The following WDR47 variants were observed in gnomAD, a reference collection of about 807,000 sequenced individuals.
WDR47 encodes WD repeat-containing protein 47.
Under a neutral mutation model 97.2 loss-of-function variants are expected in WDR47, and 32 were observed. The observed-to-expected ratio is 0.33, with a 90% confidence interval of 0.25 to 0.44. WDR47 has a LOEUF of 0.44. Ranked by LOEUF, WDR47 falls within the 20% of genes least tolerant of loss-of-function variation. WDR47 has a pLI of 1.00. For synonymous variants in WDR47, 375 were observed against 373.5 expected, an observed-to-expected ratio of 1.00 and a Z score of -0.05; for missense variants, 782 against 1,102.3, an observed-to-expected ratio of 0.71 and a Z score of 4.11.
rs545260692 is a variant in WDR47 at position 108,971,262 on chromosome 1, C to A, written c.*168G>T. On this transcript the variant is annotated 3_prime_UTR_variant, in exon 15 of 15. Coordinates refer to ENST00000369962, the MANE Select transcript of WDR47 (RefSeq NM_001142551.2). ...CTCACATGGAAGACTGAAAGCACTG[C>A]GGAATAACACCACCCAACACCTCCT... is the stretch of plus-strand genomic sequence containing the variant. 2.3e-6 allele frequency: 2 copies of A among 885,158 alleles called. No individual in the cohort carries two copies. The highest frequency in any genetic ancestry group is 3.3e-6 in the Non-Finnish European group (2 of 599,240). The allele number at this position is 885,158 out of a possible 1,614,324, so 54.8% of individuals were successfully genotyped here. A position where few individuals can be genotyped will look rare whatever the true frequency, so the allele number is the denominator to read the frequency against.
chr1:109,028,362 G>GTTTTTTT (rs372929187), intron 1 of WDR47, among the ~76,000 whole-genome samples: 7,614 of 79,746 alleles, frequency 0.095, 1,006 homozygotes, highest in Non-Finnish European at 0.11. Flanking sequence ...TTTTTGTTGG[G>GTTTTTTT]TTTTTTTTTT....
chr1:108,995,933 C>G (rs368058404), intron 7 of WDR47, 96 bp from the exon 8 acceptor site: 1 of 1,225,236 alleles, frequency 8.2e-7, no homozygotes, highest in East Asian at 2.5e-5. Context: ...AAAATATGCA[C>G]ATATAATATA....
At chr1:108,975,311 A>G (rs1657798454) in intron 13 of WDR47, among the ~76,000 whole-genome samples, 1 of 151,542 alleles carries the variant, frequency 6.6e-6, no homozygotes, top group South Asian at 2.1e-4. Flanking sequence ...AATTATTATA[A>G]TTAATAATTA....
At chr1:109,001,947 G>T (rs1257028982) in intron 7 of WDR47, among the ~76,000 whole-genome samples, 1 of 151,602 alleles carries the variant, frequency 6.6e-6, no homozygotes, top group Non-Finnish European at 1.5e-5. Context: ...ACTTCCCCTA[G>T]ATCCGCAGTT....
At chr1:109,034,630 C>T (rs527841323) in intron 1 of WDR47, among the ~76,000 whole-genome samples, 64 of 152,140 alleles carry the variant, frequency 4.2e-4, no homozygotes, top group African/African-American at 1.4e-3. Flanking sequence ...CATAGGAGCA[C>T]GGACCCTACA....
In WDR47 at chr1:109,011,575, G is replaced by A. The variant is rs762518579; in HGVS notation, c.471C>T (p.Pro157=). The part of the protein sequence containing the change: ...TNHAEFKDWN[P]STARVHCFEE... ...CAAAACAGTGAACTCGTGCGGTGCT[G>A]GGATTCCAGTCCTTAAACTCGGCAT... The change falls in exon 5 of 15, where the codon CCC becomes CCT. Residue 157 remains proline, a synonymous_variant. Transcript: ENST00000369962. 1 of 1,614,068 alleles carries A rather than the reference G, an allele frequency of 6.2e-7. No individual in the cohort carries two copies. The highest frequency in any genetic ancestry group is 1.3e-5 in the African/African-American group (1 of 74,920).
intron 7 of WDR47, among the ~76,000 whole-genome samples, chr1:108,997,048 G>A (rs929792359): frequency 7.9e-5 from 12 of 151,762 alleles, no homozygotes; most frequent in African/African-American, 1.7e-4. Context: ...CCTGGGAAGC[G>A]GAGGCTGCAG....
At chr1:108,980,748 A>G (rs1658277956) in intron 13 of WDR47, among the ~76,000 whole-genome samples, 1 of 150,778 alleles carries the variant, frequency 6.6e-6, no homozygotes. Context: ...AACAACAAAA[A>G]AACTACAAAG....
At chr1:108,993,283 G>A (rs1045326465) in intron 8 of WDR47, among the ~76,000 whole-genome samples, 9 of 150,976 alleles carry the variant, frequency 6.0e-5, no homozygotes, top group Non-Finnish European at 1.0e-4. Flanking sequence ...CCAAGATTGC[G>A]CCACTGCACT....
intron 2 of WDR47, among the ~76,000 whole-genome samples, chr1:109,020,017 G>C (rs1661704602): frequency 2.0e-5 from 3 of 152,066 alleles, no homozygotes; most frequent in Admixed American, 6.6e-5. Flanking sequence ...AGGCCAAGGT[G>C]GGAGAATCAT....
intron 1 of WDR47, 75 bp from the exon 2 acceptor site, chr1:109,023,596 C>T (rs1252515510): frequency 7.0e-7 from 1 of 1,431,874 alleles, no homozygotes; most frequent in Non-Finnish European, 9.5e-7. Context: ...GGCAACTACA[C>T]ATAACAGGTT....
At chr1:109,029,358 A>T (rs1031590096) in intron 1 of WDR47, among the ~76,000 whole-genome samples, 1 of 151,802 alleles carries the variant, frequency 6.6e-6, no homozygotes, top group Non-Finnish European at 1.5e-5. Context: ...CCCCGTCTCT[A>T]CTAAAAATAC....
chr1:109,019,362 G>A (rs1278734265), intron 2 of WDR47, among the ~76,000 whole-genome samples: 10 of 134,900 alleles, frequency 7.4e-5, no homozygotes, highest in Middle Eastern at 5.6e-3. Context: ...CAGCCTGGGC[G>A]ACAGAGTGAG....
rs1220643099 is a variant in WDR47, at chr1:108,971,120, G to T, written c.*310C>A. 2.0e-5 allele frequency: 5 copies of T among 250,842 alleles called. No individual in the cohort carries two copies. The South Asian group carries it at 6.9e-4, about 35-fold the overall frequency. The allele number at this position is 250,842 out of a possible 1,614,324, so 15.5% of individuals were successfully genotyped here. A position where few individuals can be genotyped will look rare whatever the true frequency, so the allele number is the denominator to read the frequency against. ...TTAGGCAAAGACCAAGGAATGCATT[G>T]AATACTAAACCGTAAACACATTGTC... On this transcript the variant is annotated 3_prime_UTR_variant, in exon 15 of 15. Transcript: ENST00000369962.
At chr1:109,019,018 T>A (rs1661626116) in intron 2 of WDR47, among the ~76,000 whole-genome samples, 1 of 151,424 alleles carries the variant, frequency 6.6e-6, no homozygotes, top group African/African-American at 2.4e-5. Flanking sequence ...GCAGTGACCA[T>A]GATCATGCCA....
intron 5 of WDR47, among the ~76,000 whole-genome samples, chr1:109,007,221 C>CA (rs542534921): frequency 0.063 from 5,839 of 91,974 alleles, 150 homozygotes; most frequent in Admixed American, 0.099. Flanking sequence ...AATGTATACT[C>CA]AAAAAAAAAA....
intron 6 of WDR47, among the ~76,000 whole-genome samples, chr1:109,002,959 C>T (rs1297488317): frequency 6.6e-6 from 1 of 152,096 alleles, no homozygotes; most frequent in African/African-American, 2.4e-5. Context: ...GTAGATCTAC[C>T]ATTCAATCCA....
chr1:109,035,194 C>T (rs1393263042), intron 1 of WDR47, among the ~76,000 whole-genome samples: 3 of 141,740 alleles, frequency 2.1e-5, no homozygotes, highest in African/African-American at 7.8e-5. Context: ...TGCAGTGAGC[C>T]AACATTGCAC....
chr1:108,986,436 C>T (rs1658817867), intron 10 of WDR47, 87 bp downstream of exon 10: 3 of 1,204,832 alleles, frequency 2.5e-6, no homozygotes, highest in South Asian at 2.1e-5. Flanking sequence ...ATTTGAAACA[C>T]TACTGAATGG....
Sources: allele counts gnomAD v4.1 joint callset (sites outside exome capture counted in the v4.1 genomes callset), GRCh38; gene constraint gnomAD v4.1.1; transcripts MANE v1.5; gene names NCBI Gene and HGNC (gene_info 2026-07-23, HGNC 2026-07-21).